Variants in RERG observed in about 807,000 individuals in gnomAD.
The protein encoded by RERG is ras-related and estrogen-regulated growth inhibitor.
In RERG, 25 loss-of-function variants were observed where a neutral mutation model predicts 23.2. The observed-to-expected ratio is 1.08, with a 90% CI of 0.79 to 1.50. RERG has a LOEUF of 1.50. RERG is among the 40% of genes most tolerant of loss of function. The pLI is 0.00. For synonymous variants in RERG, 81 were observed against 89.1 expected, an observed-to-expected ratio of 0.91 and a Z score of 0.51; for missense variants, 253 against 250.1, an observed-to-expected ratio of 1.01 and a Z score of -0.08.
At chr12:15,143,063 A>G (rs1864263675) in intron 2 of RERG, among the ~76,000 whole-genome samples, 1 of 152,202 alleles carries the variant, frequency 6.6e-6, no homozygotes. Flanking sequence ...TCTTTGGTAC[A>G]TGCTGTCTGA....
intron 2 of RERG, among the ~76,000 whole-genome samples, chr12:15,197,961 T>C (rs913869773): frequency 2.0e-5 from 3 of 152,136 alleles, no homozygotes; most frequent in African/African-American, 7.2e-5. Flanking sequence ...CCAGCTTTGC[T>C]TCCTGTAGGT....
intron 2 of RERG, among the ~76,000 whole-genome samples, chr12:15,171,744 A>G (rs575641457): frequency 1.2e-4 from 19 of 152,328 alleles, no homozygotes; most frequent in Non-Finnish European, 1.8e-4. Context: ...ATGCAAAAGA[A>G]TATTTCATAA....
chr12:15,116,756 T>G (rs1863728336), intron 3 of RERG, among the ~76,000 whole-genome samples: 1 of 152,136 alleles, frequency 6.6e-6, no homozygotes, highest in East Asian at 1.9e-4. Flanking sequence ...TCTAAAAAAA[T>G]GTACTAAGTA....
intron 2 of RERG, among the ~76,000 whole-genome samples, chr12:15,149,448 G>A (rs1864400697): frequency 6.6e-6 from 1 of 152,082 alleles, no homozygotes; most frequent in Non-Finnish European, 1.5e-5. Flanking sequence ...CTGGTGGGAG[G>A]GGAGGTGGAT....
chr12:15,110,311 T>C (rs916839530), intron 4 of RERG, among the ~76,000 whole-genome samples: 1 of 152,032 alleles, frequency 6.6e-6, no homozygotes, highest in Non-Finnish European at 1.5e-5. Flanking sequence ...AAGTAGGTGG[T>C]GATGAGATGG....
intron 2 of RERG, among the ~76,000 whole-genome samples, chr12:15,144,474 T>A (rs1238853997): frequency 6.6e-6 from 1 of 152,096 alleles, no homozygotes; most frequent in Non-Finnish European, 1.5e-5. Flanking sequence ...GGACGGTAAT[T>A]GGAAAGTTGA....
At chr12:15,126,619 A>C (rs192807178) in intron 2 of RERG, among the ~76,000 whole-genome samples, 1 of 152,314 alleles carries the variant, frequency 6.6e-6, no homozygotes, top group Non-Finnish European at 1.5e-5. Context: ...TCAGTATTTT[A>C]AGCTGGTAAC....
At chr12:15,209,773 AT>A (rs1158815513) in intron 2 of RERG, among the ~76,000 whole-genome samples, 5 of 152,330 alleles carry the variant, frequency 3.3e-5, no homozygotes, top group African/African-American at 1.2e-4. Context: ...ATCTGAGAAG[AT>A]GTGGAAAATA....
At position 15,156,455 on chromosome 12, in the gene RERG, T is replaced by C. The variant is rs11056378; in HGVS notation, c.62-35336A>G. 3.4e-4 allele frequency among the ~76,000 whole-genome samples: 52 copies of C among 152,328 alleles called. No individual in the cohort carries two copies. The East Asian group carries it at 9.4e-3, about 28-fold the overall frequency. On this transcript the variant is annotated intron_variant, in intron 2 of 4. Coordinates refer to ENST00000256953, the MANE Select transcript of RERG (RefSeq NM_032918.3). The stretch of plus-strand genomic sequence containing the variant: ...AGTTTACCACAAATACCACATCAGC[T>C]TTCATGCAATTGTATGATAATTACC...
intron 2 of RERG, among the ~76,000 whole-genome samples, chr12:15,126,978 A>C (rs1452972074): frequency 2.0e-5 from 3 of 151,910 alleles, no homozygotes; most frequent in Admixed American, 2.0e-4. Context: ...TCAGCCTCCC[A>C]AAGTGCTGGG....
intron 2 of RERG, among the ~76,000 whole-genome samples, chr12:15,157,314 G>GT (rs1864537183): frequency 6.6e-6 from 1 of 151,490 alleles, no homozygotes; most frequent in South Asian, 2.1e-4. Context: ...GCTTTAAAAT[G>GT]TTTTGTAATG....
At chr12:15,161,215 A>AAAGAAAGG (rs1864608867) in intron 2 of RERG, among the ~76,000 whole-genome samples, 1 of 129,912 alleles carries the variant, frequency 7.7e-6, no homozygotes, top group African/African-American at 2.7e-5. Flanking sequence ...AGAAAGAAAG[A>AAAGAAAGG]AAGAAAGAAA....
intron 2 of RERG, among the ~76,000 whole-genome samples, chr12:15,181,668 G>C (rs539076767): frequency 2.0e-5 from 3 of 152,188 alleles, no homozygotes; most frequent in Admixed American, 1.3e-4. Flanking sequence ...GGACATCATA[G>C]GAGTTCAATA....
intron 2 of RERG, among the ~76,000 whole-genome samples, chr12:15,207,560 A>G (rs1377328159): frequency 6.6e-6 from 1 of 152,166 alleles, no homozygotes; most frequent in East Asian, 1.9e-4. Context: ...CCTCAGCAGA[A>G]GCAAAGGATC....
At chr12:15,148,850 T>G (rs1003574898) in intron 2 of RERG, among the ~76,000 whole-genome samples, 2 of 22,242 alleles carry the variant, frequency 9.0e-5, no homozygotes, top group Admixed American at 4.2e-4. Flanking sequence ...TAACTCTGTT[T>G]TTTTTTTTTT....
chr12:15,118,447 A>G (rs1039516997), intron 3 of RERG, among the ~76,000 whole-genome samples: 2 of 152,266 alleles, frequency 1.3e-5, no homozygotes, highest in Middle Eastern at 6.8e-3. Flanking sequence ...CTTCTTGTAT[A>G]TAAGCTACTT....
chr12:15,114,145 A>G (rs1235838874), intron 3 of RERG, among the ~76,000 whole-genome samples: 1 of 152,080 alleles, frequency 6.6e-6, no homozygotes, highest in Non-Finnish European at 1.5e-5. Flanking sequence ...ATCTGGATGA[A>G]TTAGAGATCT....
chr12:15,113,440 T>TA (rs1175991127), intron 3 of RERG, among the ~76,000 whole-genome samples: 3 of 152,030 alleles, frequency 2.0e-5, no homozygotes, highest in African/African-American at 7.2e-5. Context: ...AACTTGGCAT[T>TA]AAAAGAAGAA....
At chr12:15,213,525 T>C (rs1865397375) in intron 2 of RERG, among the ~76,000 whole-genome samples, 1 of 152,214 alleles carries the variant, frequency 6.6e-6, no homozygotes, top group South Asian at 2.1e-4. Flanking sequence ...GTACTATCCC[T>C]ATGCCAGCAA....
Sources: gnomAD v4.1 joint callset for allele counts (sites outside exome capture counted in the v4.1 genomes callset) on GRCh38, gnomAD v4.1.1 for gene constraint, MANE v1.5 for transcripts, NCBI Gene and HGNC (gene_info 2026-07-23, HGNC 2026-07-21) for gene names.